SPSB1: variants seen among roughly 807,000 people sequenced by gnomAD.
The protein encoded by SPSB1 is splA/ryanodine receptor domain and SOCS box containing 1.
SPSB1 carries 8 observed loss-of-function variants against 21.2 expected under a neutral mutation model. The ratio of observed to expected loss-of-function variants is 0.38; its 90% CI spans 0.22 to 0.68. The LOEUF is 0.68. Among genes scored for constraint, SPSB1 ranks in the 30% least tolerant of loss-of-function variants. The probability of loss-of-function intolerance (pLI) is 0.53; values close to 1 mark genes in which losing one functional copy is unlikely to be tolerated. For missense variants in SPSB1, 242 were observed against 377.8 expected (o/e 0.64, Z 2.98); for synonymous variants, 169 against 161.7 (o/e 1.05, Z -0.34).
intron 1 of SPSB1, among the ~76,000 whole-genome samples, chr1:9,330,084 C>T (rs1012161600): frequency 6.6e-6 from 1 of 152,234 alleles, no homozygotes; most frequent in Non-Finnish European, 1.5e-5. Flanking sequence ...CATCTCTTCT[C>T]ACTGTAGTTT....
Position 9,293,134 on chromosome 1 carries a change from CG to C in SPSB1, c.-150+69del. The C allele has an allele frequency of 1.0e-6, 1 of 973,288 alleles. No homozygotes were observed. The highest frequency in any genetic ancestry group is 1.2e-6 in the Non-Finnish European group (1 of 821,612). The allele number at this position is 973,288 out of a possible 1,614,324, so 60.3% of individuals were successfully genotyped here. Reference sequence around the variant, plus strand: ...GCGACCGGCCCGGGAGGGGGAGGCGCGGGGGGCCGGGCGAGGGCGGACGCGG... The same window carrying C: ...GCGACCGGCCCGGGAGGGGGAGGCGCGGGGGCCGGGCGAGGGCGGACGCGG... On this transcript the variant is annotated intron_variant, in intron 1 of 2. Coordinates refer to ENST00000328089, the MANE Select transcript of SPSB1 (RefSeq NM_025106.4). This position sits in a 1 kb window ranked among gnomAD's most constrained non-coding sequence, Gnocchi z 5.1.
At chr1:9,328,132 A>AC (rs1248133353) in intron 1 of SPSB1, among the ~76,000 whole-genome samples, 7 of 152,216 alleles carry the variant, frequency 4.6e-5, no homozygotes, top group Admixed American at 4.6e-4. Context: ...GCTCTGCCAC[A>AC]CACCTTTACA....
Position 9,293,245 on chromosome 1 carries a change from CGGCCCCTCCCGCGGTGGCTCCGGG to C in SPSB1, c.-150+178_-150+201del, listed in dbSNP as rs1639150175. Reference sequence around the variant, plus strand: ...GAGTACGGGATGGGGACTCGGGGCGCGGCCCCTCCCGCGGTGGCTCCGGGGGCGCCTCCCTCGCCGCGGCTCCTG... The same window carrying C: ...GAGTACGGGATGGGGACTCGGGGCGCGGCGCCTCCCTCGCCGCGGCTCCTG... On this transcript the variant is annotated intron_variant, in intron 1 of 2. Transcript: ENST00000328089. The surrounding 1 kb of genome is among the most constrained non-coding windows in gnomAD (Gnocchi z 5.1). 6.7e-6 allele frequency among the ~76,000 whole-genome samples: 1 copy of C among 149,078 alleles called. No individual in the cohort carries two copies. Among genetic ancestry groups the C allele is most frequent in the Non-Finnish European group, 1.5e-5 (1 of 66,816 alleles).
chr1:9,353,810 TGA>T (rs1640315547), intron 1 of SPSB1, among the ~76,000 whole-genome samples: 2 of 151,510 alleles, frequency 1.3e-5, no homozygotes, highest in Admixed American at 6.6e-5. Context: ...CCCAGCTACT[TGA>T]GAGGCATAGG....
At chr1:9,316,755 C>T (rs1052753189) in intron 1 of SPSB1, among the ~76,000 whole-genome samples, 3 of 152,210 alleles carry the variant, frequency 2.0e-5, no homozygotes, top group African/African-American at 2.4e-5. Context: ...GCCCCGGAAG[C>T]GGCATTGGGT....
intron 1 of SPSB1, chr1:9,294,525 C>CT (rs1488133625): frequency 6.6e-6 from 1 of 152,200 alleles, no homozygotes; most frequent in Non-Finnish European, 1.5e-5. Context: ...AGCGCAGGCT[C>CT]TTCCTCTCTC....
chr1:9,294,280 C>G (rs1171163979), intron 1 of SPSB1, among the ~76,000 whole-genome samples: 1 of 147,108 alleles, frequency 6.8e-6, no homozygotes, highest in Non-Finnish European at 1.5e-5. Flanking sequence ...GTGTCTGTCT[C>G]TGTGTCTGTG....
intron 1 of SPSB1, among the ~76,000 whole-genome samples, chr1:9,300,520 G>A (rs1358098342): frequency 6.6e-6 from 1 of 152,212 alleles, no homozygotes; most frequent in African/African-American, 2.4e-5. Context: ...TTGGAGCAAG[G>A]CCCTGCCATC....
At chr1:9,336,667 G>A (rs1430200431) in intron 1 of SPSB1, among the ~76,000 whole-genome samples, 1 of 152,194 alleles carries the variant, frequency 6.6e-6, no homozygotes, top group Admixed American at 6.5e-5. Flanking sequence ...CCGTGGCGCT[G>A]GGCTAGTGAG....
Position 9,356,682 on chromosome 1 carries a change from G to A in SPSB1, c.694+97G>A. ...AAAGTTGATTCATTGGAACTAGAGTGTTTTGAAGACGATATTCCAGTGTAT... is the reference window on the plus strand; with the variant it reads ...AAAGTTGATTCATTGGAACTAGAGTATTTTGAAGACGATATTCCAGTGTAT... On this transcript the variant is annotated intron_variant, in intron 2 of 2. Transcript: ENST00000328089. This position sits in a 1 kb window ranked among gnomAD's most constrained non-coding sequence, Gnocchi z 7.4. 1 of 1,488,294 alleles carries A rather than the reference G, an allele frequency of 6.7e-7. No individual in the cohort carries two copies. The allele number at this position is 1,488,294 out of a possible 1,614,324, so 92.2% of individuals were successfully genotyped here. A position where few individuals can be genotyped will look rare whatever the true frequency, so the allele number is the denominator to read the frequency against.
At chr1:9,323,233 G>A (rs992147135) in intron 1 of SPSB1, among the ~76,000 whole-genome samples, 2 of 152,210 alleles carry the variant, frequency 1.3e-5, no homozygotes, top group African/African-American at 4.8e-5. Context: ...CTGGGCTGGC[G>A]GCTTTGAGCG....
intron 1 of SPSB1, among the ~76,000 whole-genome samples, chr1:9,339,417 C>T (rs989137751): frequency 6.6e-5 from 10 of 152,096 alleles, no homozygotes; most frequent in East Asian, 1.9e-4. Flanking sequence ...AATTCCGGGG[C>T]GAGTCTGGAG....
chr1:9,322,900 C>CT (rs1274668773), intron 1 of SPSB1, among the ~76,000 whole-genome samples: 2 of 152,022 alleles, frequency 1.3e-5, no homozygotes, highest in African/African-American at 2.4e-5. Context: ...TTCTCAGCCC[C>CT]TTTTTTTGTT....
intron 1 of SPSB1, among the ~76,000 whole-genome samples, chr1:9,319,507 C>A (rs1639673478): frequency 6.6e-6 from 1 of 152,192 alleles, no homozygotes; most frequent in South Asian, 2.1e-4. Flanking sequence ...CCATGCCTTC[C>A]TTGTGGGACT....
chr1:9,311,499 T>C (rs72642725), intron 1 of SPSB1, among the ~76,000 whole-genome samples: 3,649 of 152,268 alleles, frequency 0.024, 55 homozygotes, highest in Middle Eastern at 0.044. Context: ...TCACCATGCA[T>C]GGGACATCTT....
intron 1 of SPSB1, among the ~76,000 whole-genome samples, chr1:9,299,425 A>G (rs372342143): frequency 1.3e-5 from 2 of 151,930 alleles, no homozygotes; most frequent in African/African-American, 4.8e-5. Context: ...GATCGCTTGA[A>G]CTTAGGAGTT....
At chr1:9,365,880 G>A (rs1443562080) in intron 2 of SPSB1, among the ~76,000 whole-genome samples, 4 of 152,288 alleles carry the variant, frequency 2.6e-5, no homozygotes, top group South Asian at 2.1e-4. Context: ...GCAGAACAGC[G>A]TGGGCGGCCC....
intron 1 of SPSB1, among the ~76,000 whole-genome samples, chr1:9,332,000 A>T (rs80329099): frequency 0.012 from 1,854 of 152,222 alleles, 43 homozygotes; most frequent in African/African-American, 0.042. Flanking sequence ...TGACAGTTTG[A>T]GTGTTGAAAA....
In SPSB1 at chr1:9,321,839, G is replaced by A. The variant is rs1178622219; in HGVS notation, c.-150+28768G>A. Among the ~76,000 whole-genome samples the A allele has an allele frequency of 2.0e-5, 3 of 152,178 alleles. No individual in the cohort carries two copies. Among genetic ancestry groups the A allele is most frequent in the African/African-American group, 4.8e-5 (2 of 41,430 alleles). ...CCACGGGAGAGGCTCTTCAGTGGCA[G>A]AAGTATCTTGGGTGGTGTTTTATGG... On this transcript the variant is annotated intron_variant, in intron 1 of 2. Coordinates refer to ENST00000328089, the MANE Select transcript of SPSB1 (RefSeq NM_025106.4). The surrounding 1 kb of genome is among the most constrained non-coding windows in gnomAD (Gnocchi z 4.8).
Sources: allele counts gnomAD v4.1 joint callset (sites outside exome capture counted in the v4.1 genomes callset), GRCh38; gene constraint gnomAD v4.1.1; non-coding constraint Gnocchi (gnomAD v3.1); transcripts MANE v1.5; gene names NCBI Gene and HGNC (gene_info 2026-07-23, HGNC 2026-07-21).